AIG1: variants seen among roughly 807,000 people sequenced by gnomAD.
The protein encoded by AIG1 is androgen induced 1, also known as androgen-induced gene 1 protein.
Under a neutral mutation model 31.4 loss-of-function variants are expected in AIG1, and 23 were observed. That is an observed-to-expected ratio of 0.73 (90% CI 0.53 to 1.04). The LOEUF (loss-of-function observed/expected upper bound fraction) is 1.04. AIG1 is among the 50% of genes least tolerant of loss of function. The probability of loss-of-function intolerance (pLI) is 0.00; values close to 1 mark genes in which losing one functional copy is unlikely to be tolerated. For missense variants in AIG1, 274 were observed against 295.0 expected (o/e 0.93, Z 0.52); for synonymous variants, 100 against 110.5 (o/e 0.90, Z 0.60).
rs1790622583 is a variant in AIG1, at chr6:143,200,626, A to G, written c.399+35443A>G. Among the ~76,000 whole-genome samples, 6 of 152,080 alleles carry G rather than the reference A, an allele frequency of 3.9e-5. No homozygotes were observed. The South Asian group carries it at 1.2e-3, about 32-fold the overall frequency. ...TTATCAGTGACCGCCGTGTTGACCA[A>G]TTCCATGAACACTTTTTACTCCTCA... On this transcript the variant is annotated intron_variant, in intron 3 of 5. Coordinates refer to ENST00000357847, the MANE Select transcript of AIG1 (RefSeq NM_016108.4).
chr6:143,285,349 G>A (rs1373249531), intron 4 of AIG1, among the ~76,000 whole-genome samples: 1 of 150,242 alleles, frequency 6.7e-6, no homozygotes, highest in African/African-American at 2.4e-5. Context: ...GCTGGGAGGA[G>A]CTTTACGACC....
chr6:143,237,531 G>A (rs867496466), intron 3 of AIG1, among the ~76,000 whole-genome samples: 16 of 152,238 alleles, frequency 1.1e-4, no homozygotes, highest in Admixed American at 1.0e-3. Flanking sequence ...AATCAGAAAA[G>A]CAGGATATTT....
chr6:143,240,072 G>A (rs1409378084), intron 3 of AIG1, among the ~76,000 whole-genome samples: 1 of 152,198 alleles, frequency 6.6e-6, no homozygotes, highest in African/African-American at 2.4e-5. Flanking sequence ...AAGAGAGTAT[G>A]ACATAGGCGA....
At chr6:143,248,076 T>C (rs778942605) in intron 3 of AIG1, among the ~76,000 whole-genome samples, 3 of 152,182 alleles carry the variant, frequency 2.0e-5, no homozygotes, top group Non-Finnish European at 4.4e-5. Flanking sequence ...TTGTTTGTGG[T>C]CTCCTGGGAG....
intron 1 of AIG1, among the ~76,000 whole-genome samples, chr6:143,069,197 A>C (rs1562341216): frequency 6.6e-6 from 1 of 152,016 alleles, no homozygotes; most frequent in Non-Finnish European, 1.5e-5. Context: ...TTGTATTTTT[A>C]GTAGAGACGG....
intron 2 of AIG1, among the ~76,000 whole-genome samples, chr6:143,141,176 C>CTTG: frequency 6.6e-6 from 1 of 152,186 alleles, no homozygotes; most frequent in South Asian, 2.1e-4. Context: ...ACAAGTTTTC[C>CTTG]TGAAGAGACC....
chr6:143,334,968 G>T lies in AIG1; in HGVS notation c.679+1523G>T. 1 of 773,938 alleles carries T rather than the reference G, an allele frequency of 1.3e-6. No homozygotes were observed. Among genetic ancestry groups the T allele is most frequent in the South Asian group, 3.6e-5 (1 of 27,958 alleles). The allele number at this position is 773,938 out of a possible 1,614,324, so 47.9% of individuals were successfully genotyped here. On this transcript the variant is annotated intron_variant, in intron 5 of 5. Transcript: ENST00000357847. The surrounding 1 kb of genome is among the most constrained non-coding windows in gnomAD (Gnocchi z 5.1). ...AGTTAAAAATGAATAATGAAATTAAGGTTTTTTGAATGATTTGTTTAATTT... is the reference window on the plus strand; with the variant it reads ...AGTTAAAAATGAATAATGAAATTAATGTTTTTTGAATGATTTGTTTAATTT...
At chr6:143,316,484 A>C (rs1775749436) in intron 4 of AIG1, among the ~76,000 whole-genome samples, 1 of 151,966 alleles carries the variant, frequency 6.6e-6, no homozygotes, top group Admixed American at 6.6e-5. Flanking sequence ...TTACAGCAAA[A>C]GGGGATACAG....
rs1163864943 is a variant in AIG1 at position 143,268,807 on chromosome 6, T to C, written c.400-15303T>C. Among the ~76,000 whole-genome samples, 5 of 152,180 alleles carry C rather than the reference T, an allele frequency of 3.3e-5. No individual in the cohort carries two copies. Among genetic ancestry groups the C allele is most frequent in the Admixed American group, 6.5e-5 (1 of 15,286 alleles). ...GTGCCACACAGGTCCCCTTTGGGGA[T>C]TGGACTTACTTCCCCAGCAGGTGGG... On this transcript the variant is annotated intron_variant, in intron 3 of 5. Transcript: ENST00000357847. This position sits in a 1 kb window ranked among gnomAD's most constrained non-coding sequence, Gnocchi z 5.0.
intron 4 of AIG1, among the ~76,000 whole-genome samples, chr6:143,314,524 A>G (rs1302835246): frequency 6.6e-6 from 1 of 152,180 alleles, no homozygotes; most frequent in Non-Finnish European, 1.5e-5. Flanking sequence ...TCCTATAACT[A>G]CAGTAAAGAG....
chr6:143,282,447 T>G (rs1172273764), intron 3 of AIG1, among the ~76,000 whole-genome samples: 3 of 152,220 alleles, frequency 2.0e-5, no homozygotes, highest in Non-Finnish European at 4.4e-5. Context: ...CAGGCCGATG[T>G]CATCTGAGGT....
chr6:143,097,583 A>C (rs1779908586), intron 1 of AIG1, among the ~76,000 whole-genome samples: 1 of 152,268 alleles, frequency 6.6e-6, no homozygotes, highest in Admixed American at 6.5e-5. Flanking sequence ...TACTGTGCTG[A>C]CCAACCAGCT....
chr6:143,284,002 C>A lies in AIG1; in HGVS notation c.400-108C>A. ...TGGCGAGCCATAGACTTCTTTCTGC[C>A]TGACACTTTCCTAGGAATTTATAGT... On this transcript the variant is annotated intron_variant, in intron 3 of 5. Transcript: ENST00000357847. The surrounding 1 kb of genome is among the most constrained non-coding windows in gnomAD (Gnocchi z 4.4). 2 of 718,668 alleles carry A rather than the reference C, an allele frequency of 2.8e-6. No individual in the cohort carries two copies. The highest frequency in any genetic ancestry group is 1.8e-5 in the African/African-American group (1 of 56,254). The allele number at this position is 718,668 out of a possible 1,614,324, so 44.5% of individuals were successfully genotyped here. A position where few individuals can be genotyped will look rare whatever the true frequency, so the allele number is the denominator to read the frequency against.
At position 143,335,687 on chromosome 6, in the gene AIG1, G is replaced by T. The variant is rs191474232; in HGVS notation, c.679+2242G>T. ...AGTTATCCCTTGGCTGGGCACGGTG[G>T]CTTACACCTGTAATCTCAGAACTTT... On this transcript the variant is annotated intron_variant, in intron 5 of 5. Transcript: ENST00000357847. Among the ~76,000 whole-genome samples the T allele has an allele frequency of 9.2e-4, 140 of 152,224 alleles. 2 individuals are homozygous for T. Among genetic ancestry groups the T allele is most frequent in the African/African-American group, 3.2e-3 (131 of 41,542 alleles).
At chr6:143,128,527 G>A (rs1485889486) in intron 1 of AIG1, among the ~76,000 whole-genome samples, 1 of 152,212 alleles carries the variant, frequency 6.6e-6, no homozygotes, top group Non-Finnish European at 1.5e-5. Flanking sequence ...AGAACCCAAA[G>A]CCAGATGGTG....
At chr6:143,123,014 A>G (rs1448127622) in intron 1 of AIG1, among the ~76,000 whole-genome samples, 1 of 152,046 alleles carries the variant, frequency 6.6e-6, no homozygotes, top group Non-Finnish European at 1.5e-5. Context: ...ATTAATTCCC[A>G]TTGGCATGTC....
rs1798489069 is a variant in AIG1 at position 143,297,251 on chromosome 6, T to C, written c.515+13026T>C. On this transcript the variant is annotated intron_variant, in intron 4 of 5. Transcript: ENST00000357847. The surrounding 1 kb of genome is among the most constrained non-coding windows in gnomAD (Gnocchi z 5.1). ...AAGTGTCCCAGGCAGAAAAAGCAGA[T>C]GGCCTAGAAGCAACGGAGAGGAAAC... Among the ~76,000 whole-genome samples, 1 of 152,104 alleles carries C rather than the reference T, an allele frequency of 6.6e-6. No homozygotes were observed. The highest frequency in any genetic ancestry group is 6.6e-5 in the Admixed American group (1 of 15,264).
intron 1 of AIG1, among the ~76,000 whole-genome samples, chr6:143,134,421 C>T (rs1217175540): frequency 4.9e-4 from 48 of 98,064 alleles, no homozygotes; most frequent in Admixed American, 1.0e-3. Context: ...TTTGGTTTAA[C>T]ATTTTGTTGT....
intron 1 of AIG1, among the ~76,000 whole-genome samples, chr6:143,106,815 T>C (rs1780844938): frequency 6.6e-6 from 1 of 152,122 alleles, no homozygotes; most frequent in Admixed American, 6.5e-5. Context: ...AGGTGGGAAG[T>C]CCAAGATAAA....
Sources: gnomAD v4.1 joint callset for allele counts (sites outside exome capture counted in the v4.1 genomes callset) on GRCh38, gnomAD v4.1.1 for gene constraint, Gnocchi (gnomAD v3.1) non-coding constraint, MANE v1.5 for transcripts, NCBI Gene and HGNC (gene_info 2026-07-23, HGNC 2026-07-21) for gene names.